IMMP2L: variants seen among roughly 807,000 people sequenced by gnomAD.
IMMP2L encodes mitochondrial inner membrane protease subunit 2.
Under a neutral mutation model 19.3 loss-of-function variants are expected in IMMP2L, and 18 were observed. That is an observed-to-expected ratio of 0.93 (90% CI 0.64 to 1.38). The LOEUF is 1.38. Ranked by LOEUF, IMMP2L falls within the 40% of genes most tolerant of loss-of-function variation. IMMP2L has a pLI of 0.00. For synonymous variants in IMMP2L, 76 were observed against 73.0 expected (o/e 1.04, Z -0.21); for missense variants, 233 against 218.2 (o/e 1.07, Z -0.43).
intron 3 of IMMP2L, among the ~76,000 whole-genome samples, chr7:111,319,689 T>G (rs565134759): frequency 3.7e-4 from 56 of 152,210 alleles, no homozygotes; most frequent in East Asian, 7.7e-4. Context: ...AAGTTCTATT[T>G]TAGAAAAGAA....
chr7:110,786,583 T>C (rs932944516), intron 5 of IMMP2L, among the ~76,000 whole-genome samples: 1 of 152,014 alleles, frequency 6.6e-6, no homozygotes, highest in Non-Finnish European at 1.5e-5. Flanking sequence ...TTACAGCTGA[T>C]AGCTAAACCT....
intron 3 of IMMP2L, among the ~76,000 whole-genome samples, chr7:111,435,116 C>G (rs537829991): frequency 2.6e-5 from 4 of 151,836 alleles, no homozygotes; most frequent in Admixed American, 1.3e-4. Flanking sequence ...CTATAGAAAA[C>G]TGTATGGAGA....
chr7:111,127,865 A>C (rs1801469562), intron 3 of IMMP2L, among the ~76,000 whole-genome samples: 1 of 152,212 alleles, frequency 6.6e-6, no homozygotes, highest in Non-Finnish European at 1.5e-5. Flanking sequence ...CTACAAAATA[A>C]AATTAAGATT....
At chr7:110,780,921 C>T (rs964672228) in intron 5 of IMMP2L, among the ~76,000 whole-genome samples, 4 of 151,820 alleles carry the variant, frequency 2.6e-5, no homozygotes, top group Non-Finnish European at 5.9e-5. Flanking sequence ...AGCAGTTCCA[C>T]CAGTGTGGGC....
chr7:111,264,940 T>C (rs1817678506), intron 3 of IMMP2L, among the ~76,000 whole-genome samples: 1 of 152,094 alleles, frequency 6.6e-6, no homozygotes, highest in African/African-American at 2.4e-5. Flanking sequence ...AATCCTTTGT[T>C]ACCTTCATCT....
chr7:111,334,891 T>A (rs1246716772), intron 3 of IMMP2L, among the ~76,000 whole-genome samples: 2 of 152,070 alleles, frequency 1.3e-5, no homozygotes, highest in African/African-American at 4.8e-5. Context: ...TGATTCGGGG[T>A]AATATCAGTC....
At chr7:111,295,557 A>C (rs189534574) in intron 3 of IMMP2L, among the ~76,000 whole-genome samples, 1 of 152,008 alleles carries the variant, frequency 6.6e-6, no homozygotes, top group African/African-American at 2.4e-5. Flanking sequence ...AACAATACAC[A>C]TGAAATATGA....
chr7:111,250,949 T>C (rs1262153275), intron 3 of IMMP2L, among the ~76,000 whole-genome samples: 1 of 152,114 alleles, frequency 6.6e-6, no homozygotes, highest in Non-Finnish European at 1.5e-5. Flanking sequence ...AAAGAAACTA[T>C]TATCAGACTG....
intron 5 of IMMP2L, among the ~76,000 whole-genome samples, chr7:110,863,573 A>G (rs1807675192): frequency 6.6e-6 from 1 of 152,052 alleles, no homozygotes; most frequent in Non-Finnish European, 1.5e-5. Flanking sequence ...TGCTATATCA[A>G]TACTCTCTCA....
At chr7:111,199,755 C>T (rs935077160) in intron 3 of IMMP2L, among the ~76,000 whole-genome samples, 1 of 152,108 alleles carries the variant, frequency 6.6e-6, no homozygotes, top group African/African-American at 2.4e-5. Flanking sequence ...CTTATGAGTG[C>T]ATGTGCATTA....
intron 3 of IMMP2L, among the ~76,000 whole-genome samples, chr7:111,120,857 T>C (rs990161444): frequency 2.0e-5 from 3 of 152,088 alleles, no homozygotes; most frequent in African/African-American, 7.2e-5. Flanking sequence ...GGGAACCTGT[T>C]GAATCGCAAT....
chr7:111,420,228 T>C (rs1337144547), intron 3 of IMMP2L, among the ~76,000 whole-genome samples: 1 of 151,778 alleles, frequency 6.6e-6, no homozygotes, highest in Non-Finnish European at 1.5e-5. Flanking sequence ...CTTAAGTTGG[T>C]CATTCAAACT....
At chr7:110,918,317 G>T (rs1268741245) in intron 4 of IMMP2L, among the ~76,000 whole-genome samples, 1 of 152,024 alleles carries the variant, frequency 6.6e-6, no homozygotes, top group African/African-American at 2.4e-5. Flanking sequence ...TTAGGAGAAG[G>T]AAGTAATTAT....
intron 5 of IMMP2L, among the ~76,000 whole-genome samples, chr7:110,754,648 C>G (rs373871628): frequency 1.4e-3 from 210 of 152,022 alleles, no homozygotes; most frequent in Non-Finnish European, 2.2e-3. Context: ...ATCTGCTTAC[C>G]GCTTAGTATA....
intron 3 of IMMP2L, among the ~76,000 whole-genome samples, chr7:111,078,106 T>C (rs1795569269): frequency 6.6e-6 from 1 of 152,258 alleles, no homozygotes; most frequent in Admixed American, 6.5e-5. Flanking sequence ...ACGTTTATCG[T>C]TGCCTATTTA....
At chr7:111,171,737 A>C (rs1304156421) in intron 3 of IMMP2L, among the ~76,000 whole-genome samples, 1 of 151,584 alleles carries the variant, frequency 6.6e-6, no homozygotes, top group Non-Finnish European at 1.5e-5. Context: ...TTAGACAAGA[A>C]GGAATGTGAA....
chr7:111,513,214 T>C (rs1482629245), intron 2 of IMMP2L, among the ~76,000 whole-genome samples: 1 of 152,056 alleles, frequency 6.6e-6, no homozygotes, highest in Non-Finnish European at 1.5e-5. Context: ...GCAAACCATA[T>C]ATCTAATAAG....
chr7:111,470,640 C>T (rs1454849672), intron 3 of IMMP2L, among the ~76,000 whole-genome samples: 1 of 146,330 alleles, frequency 6.8e-6, no homozygotes, highest in Non-Finnish European at 1.5e-5. Flanking sequence ...AACCAAACAC[C>T]GCATGTTCTC....
chr7:110,794,122 A>G (rs34827866), intron 5 of IMMP2L, among the ~76,000 whole-genome samples: 38,466 of 152,084 alleles, frequency 0.25, 5,003 homozygotes, highest in Middle Eastern at 0.3. Context: ...TACTCTTGCT[A>G]TATGATCCAG....
Sources: allele counts gnomAD v4.1 joint callset (sites outside exome capture counted in the v4.1 genomes callset), GRCh38; gene constraint gnomAD v4.1.1; transcripts MANE v1.5; gene names NCBI Gene and HGNC (gene_info 2026-07-23, HGNC 2026-07-21).